The following KCNU1 variants were observed in gnomAD, a reference collection of about 807,000 sequenced individuals.
KCNU1 encodes potassium channel subfamily U member 1.
KCNU1 carries 93 observed loss-of-function variants against 126.8 expected under a neutral mutation model. That is an observed-to-expected ratio of 0.73 (90% CI 0.62 to 0.87). The LOEUF (loss-of-function observed/expected upper bound fraction) is 0.87. Among genes scored for constraint, KCNU1 ranks in the 40% least tolerant of loss-of-function variants. KCNU1 has a pLI of 0.00. For synonymous variants in KCNU1, 523 were observed against 494.2 expected (o/e 1.06, Z -0.77); for missense variants, 1,330 against 1,367.1 (o/e 0.97, Z 0.43).
At chr8:36,904,336 T>C (rs766665158) in intron 19 of KCNU1, among the ~76,000 whole-genome samples, 1 of 152,118 alleles carries the variant, frequency 6.6e-6, no homozygotes, top group Non-Finnish European at 1.5e-5. Context: ...CCTGAGAGCT[T>C]CTCATTGCCT....
In KCNU1 at chr8:36,840,921, T is replaced by C; in HGVS notation, c.1632-11T>C. The stretch of plus-strand genomic sequence containing the variant: ...CTTGCTCTCCTTTTGACTCCTCGTC[T>C]TCCTTCCCAGGCTCTGCTTTCTGAA... On this transcript the variant is annotated splice_polypyrimidine_tract_variant and intron_variant, in intron 15 of 26. Transcript: ENST00000399881. The C allele has an allele frequency of 6.2e-7, 1 of 1,605,924 alleles. No individual in the cohort carries two copies. The highest frequency in any genetic ancestry group is 8.5e-7 in the Non-Finnish European group (1 of 1,172,626).
At chr8:36,874,104 G>A (rs1337827910) in intron 19 of KCNU1, among the ~76,000 whole-genome samples, 4 of 151,954 alleles carry the variant, frequency 2.6e-5, no homozygotes, top group African/African-American at 9.7e-5. Context: ...CAAATGAAAA[G>A]GAACAGATAT....
intron 19 of KCNU1, among the ~76,000 whole-genome samples, chr8:36,872,178 T>C (rs990305905): frequency 2.0e-5 from 3 of 152,180 alleles, no homozygotes; most frequent in African/African-American, 7.2e-5. Context: ...AAACTTCATT[T>C]GCAAAAACAG....
At chr8:36,897,307 TTC>T (rs1236410987) in intron 19 of KCNU1, among the ~76,000 whole-genome samples, 4 of 152,088 alleles carry the variant, frequency 2.6e-5, no homozygotes, top group Non-Finnish European at 4.4e-5. Context: ...TATAGAATCA[TTC>T]TCTCTCTTTT....
chr8:36,804,872 A>G (rs1376594863), intron 3 of KCNU1, among the ~76,000 whole-genome samples: 1 of 152,158 alleles, frequency 6.6e-6, no homozygotes, highest in Non-Finnish European at 1.5e-5. Flanking sequence ...GACTAGATAG[A>G]TGATCTTGCA....
rs756405020 is a variant in KCNU1, at chr8:36,935,724, T to C, written c.3254T>C (p.Leu1085Ser). ...ACCATTGATTCAGTTACTGAGACAT[T>C]GTATTCACCAGTCTATTCTTACCAG... ...PPTIDSVTET[L>S]YSPVYSYQPR... The change falls in exon 27 of 27, where the codon TTG (leucine) becomes TCG (serine). Residue 1085 changes from leucine (L) to serine (S), a missense_variant. Transcript: ENST00000399881. 45 of 1,612,930 alleles carry C rather than the reference T, an allele frequency of 2.8e-5. 2 individuals carry two copies. The South Asian group carries it at 4.9e-4, about 18-fold the overall frequency.
intron 16 of KCNU1, among the ~76,000 whole-genome samples, chr8:36,842,837 T>C (rs1212874762): frequency 6.6e-6 from 1 of 152,092 alleles, no homozygotes; most frequent in Non-Finnish European, 1.5e-5. Flanking sequence ...ACCCGGTTAA[T>C]TTTTGTATTT....
At chr8:36,820,784 A>G (rs1275250107) in intron 10 of KCNU1, among the ~76,000 whole-genome samples, 2 of 152,160 alleles carry the variant, frequency 1.3e-5, no homozygotes, top group Non-Finnish European at 2.9e-5. Flanking sequence ...TCAAAATTGA[A>G]TCAAGGATGC....
intron 19 of KCNU1, among the ~76,000 whole-genome samples, chr8:36,905,066 C>T (rs1289465119): frequency 6.6e-6 from 1 of 152,136 alleles, no homozygotes; most frequent in Non-Finnish European, 1.5e-5. Context: ...GAACATCCAA[C>T]TCTGTCAGGG....
intron 24 of KCNU1, among the ~76,000 whole-genome samples, chr8:36,924,221 G>A (rs570404924): frequency 6.6e-6 from 1 of 152,294 alleles, no homozygotes; most frequent in Admixed American, 6.5e-5. Context: ...TCCTACCCGG[G>A]ATTTTCAAGG....
At position 36,935,717 on chromosome 8, in the gene KCNU1, G is replaced by A. The variant is rs767831679; in HGVS notation, c.3247G>A (p.Glu1083Lys). 4.3e-6 allele frequency: 7 copies of A among 1,612,866 alleles called. No homozygotes were observed. Among genetic ancestry groups the A allele is most frequent in the Non-Finnish European group, 5.1e-6 (6 of 1,179,118 alleles). Residue 1083 changes from glutamate (E) to lysine (K), a missense_variant, in exon 27 of 27, where the codon GAG becomes AAG. By Grantham distance (56) the Glu-to-Lys change is moderately conservative. This residue lies in a region of KCNU1 where 1,054 missense variants were observed against 1,053.9 expected (regional missense o/e 1.00). Coordinates refer to ENST00000399881, the MANE Select transcript of KCNU1 (RefSeq NM_001031836.3). ...NCPPTIDSVT[E>K]TLYSPVYSYQ... is the part of the protein sequence containing the mutation. ...TCCTCCCACCATTGATTCAGTTACT[G>A]AGACATTGTATTCACCAGTCTATTC...
At chr8:36,864,584 T>C (rs1467677642) in intron 19 of KCNU1, 63 bp downstream of exon 19, 1 of 923,692 alleles carries the variant, frequency 1.1e-6, no homozygotes, top group Non-Finnish European at 1.8e-6. Flanking sequence ...GCCATATATA[T>C]TGTATTTAAA....
intron 15 of KCNU1, 74 bp downstream of exon 15, chr8:36,840,649 T>G: frequency 1.2e-6 from 1 of 859,694 alleles, no homozygotes; most frequent in Non-Finnish European, 1.9e-6. Flanking sequence ...GAGGGCCCAC[T>G]ATAGGCCAGG....
chr8:36,803,054 G>A (rs187424738), intron 2 of KCNU1, among the ~76,000 whole-genome samples: 94 of 152,292 alleles, frequency 6.2e-4, no homozygotes, highest in African/African-American at 2.1e-3. Flanking sequence ...ACACCAGTCA[G>A]AGAAGCAAGT....
At chr8:36,881,148 C>G (rs908369484) in intron 19 of KCNU1, among the ~76,000 whole-genome samples, 2 of 152,214 alleles carry the variant, frequency 1.3e-5, no homozygotes, top group African/African-American at 4.8e-5. Flanking sequence ...GCCACTAAAC[C>G]TTTCGGGAGC....
chr8:36,879,817 C>T (rs555612239), intron 19 of KCNU1, among the ~76,000 whole-genome samples: 5 of 152,294 alleles, frequency 3.3e-5, no homozygotes, highest in Non-Finnish European at 5.9e-5. Flanking sequence ...TCTGGAAGGC[C>T]TGCCTCGAGT....
At chr8:36,823,666 G>A (rs1804209186) in intron 10 of KCNU1, among the ~76,000 whole-genome samples, 2 of 151,654 alleles carry the variant, frequency 1.3e-5, no homozygotes, top group South Asian at 4.2e-4. Flanking sequence ...CCATATGAAT[G>A]CCAATAAATA....
At chr8:36,900,697 C>T (rs982976585) in intron 19 of KCNU1, among the ~76,000 whole-genome samples, 1 of 152,020 alleles carries the variant, frequency 6.6e-6, no homozygotes, top group Admixed American at 6.6e-5. Context: ...CAGATGTAGC[C>T]TTTGATATAC....
chr8:36,857,319 G>A (rs904729878), intron 18 of KCNU1, among the ~76,000 whole-genome samples: 1 of 152,148 alleles, frequency 6.6e-6, no homozygotes, highest in African/African-American at 2.4e-5. Context: ...CTATCCTCTA[G>A]GCTACACTCA....
Sources: gnomAD v4.1 joint callset for allele counts (sites outside exome capture counted in the v4.1 genomes callset) on GRCh38, gnomAD v4.1.1 for gene constraint, gnomAD v4.1.1 regional missense constraint, MANE v1.5 for transcripts, NCBI Gene and HGNC (gene_info 2026-07-23, HGNC 2026-07-21) for gene names.